SPATA6: variants seen among roughly 807,000 people sequenced by gnomAD.
The protein encoded by SPATA6 is spermatogenesis associated 6, also known as spermatogenesis-associated protein 6.
In SPATA6, 56 loss-of-function variants were observed where a neutral mutation model predicts 65.3. That is an observed-to-expected ratio of 0.86 (90% CI 0.69 to 1.07). SPATA6 has a LOEUF of 1.07. Among genes scored for constraint, SPATA6 ranks in the 50% least tolerant of loss-of-function variants. The pLI is 0.00. For missense variants in SPATA6, 590 were observed against 594.8 expected, an observed-to-expected ratio of 0.99 and a Z score of 0.08; for synonymous variants, 199 against 213.2, an observed-to-expected ratio of 0.93 and a Z score of 0.58.
intron 9 of SPATA6, among the ~76,000 whole-genome samples, chr1:48,372,295 A>G (rs1647367374): frequency 6.6e-6 from 1 of 152,148 alleles, no homozygotes; most frequent in Non-Finnish European, 1.5e-5. Context: ...GTTCTAAATG[A>G]GAGAAACTGG....
chr1:48,289,269 C>A, the SPATA6 span, among the ~76,000 whole-genome samples: 1 of 152,206 alleles, frequency 6.6e-6, no homozygotes, highest in Non-Finnish European at 1.5e-5. Flanking sequence ...TCCAACAGAC[C>A]TGCAGCTGAG....
intron 3 of SPATA6, among the ~76,000 whole-genome samples, chr1:48,422,095 GA>G (rs1244465928): frequency 6.6e-6 from 1 of 152,270 alleles, no homozygotes; most frequent in East Asian, 1.9e-4. Flanking sequence ...ATAATGGGGG[GA>G]AAGGAGGATG....
At chr1:48,311,846 T>C (rs186321193) in intron 11 of SPATA6, among the ~76,000 whole-genome samples, 11 of 152,296 alleles carry the variant, frequency 7.2e-5, no homozygotes, top group African/African-American at 2.4e-4. Context: ...AGATGGTACC[T>C]GGAAATTCGG....
intron 8 of SPATA6, among the ~76,000 whole-genome samples, 170 bp from the exon 9 acceptor site, chr1:48,385,519 T>C (rs1233631906): frequency 3.9e-5 from 6 of 152,190 alleles, no homozygotes. Flanking sequence ...TTAAAATTTG[T>C]ATTAGTTCTT....
chr1:48,338,300 G>A (rs982288277), intron 11 of SPATA6, among the ~76,000 whole-genome samples: 6 of 151,936 alleles, frequency 3.9e-5, no homozygotes, highest in Non-Finnish European at 8.8e-5. Flanking sequence ...GTACAAGGGT[G>A]GAGTGACAAA....
intron 9 of SPATA6, among the ~76,000 whole-genome samples, chr1:48,361,537 C>T (rs1646813062): frequency 6.6e-6 from 1 of 152,092 alleles, no homozygotes; most frequent in Non-Finnish European, 1.5e-5. Flanking sequence ...GAGTCCCAGT[C>T]ATGTCCTAAG....
chr1:48,434,586 G>C (rs1052891025), intron 3 of SPATA6, among the ~76,000 whole-genome samples: 4 of 152,148 alleles, frequency 2.6e-5, no homozygotes, highest in Non-Finnish European at 5.9e-5. Flanking sequence ...AATCTGAGGA[G>C]TGACTGGAAA....
chr1:48,268,758 G>T, the SPATA6 span, among the ~76,000 whole-genome samples: 1 of 152,112 alleles, frequency 6.6e-6, no homozygotes, highest in Admixed American at 6.5e-5. Context: ...AGGTATAAAA[G>T]GTTAATAGAA....
At chr1:48,334,836 G>A (rs1646016595) in intron 11 of SPATA6, among the ~76,000 whole-genome samples, 1 of 152,036 alleles carries the variant, frequency 6.6e-6, no homozygotes, top group East Asian at 1.9e-4. Context: ...AAAAGAAGTA[G>A]TAAAACTATC....
chr1:48,270,253 C>G, the SPATA6 span, among the ~76,000 whole-genome samples: 1 of 152,132 alleles, frequency 6.6e-6, no homozygotes, highest in South Asian at 2.1e-4. Context: ...CTTTCATACA[C>G]TTCCGCCAAT....
intron 11 of SPATA6, among the ~76,000 whole-genome samples, chr1:48,320,581 G>A (rs1275801736): frequency 2.0e-5 from 3 of 152,192 alleles, no homozygotes; most frequent in African/African-American, 7.2e-5. Flanking sequence ...GAGGGACTTC[G>A]TCAACAGCAG....
the SPATA6 span, among the ~76,000 whole-genome samples, chr1:48,287,984 T>C: frequency 6.6e-6 from 1 of 152,232 alleles, no homozygotes; most frequent in Non-Finnish European, 1.5e-5. Flanking sequence ...TTCCTGTATA[T>C]CTATTTTGTT....
chr1:48,293,528 T>C (rs781216752), downstream of SPATA6, among the ~76,000 whole-genome samples: 3 of 152,178 alleles, frequency 2.0e-5, no homozygotes, highest in Non-Finnish European at 4.4e-5. Flanking sequence ...TACCATCTTG[T>C]TGGTAATACT....
At chr1:48,460,430 A>G (rs1657339930) in intron 1 of SPATA6, among the ~76,000 whole-genome samples, 1 of 152,216 alleles carries the variant, frequency 6.6e-6, no homozygotes, top group African/African-American at 2.4e-5. Context: ...AAGAATATCT[A>G]TGCAAAAGCC....
At chr1:48,365,990 CT>C (rs1646995581) in intron 9 of SPATA6, among the ~76,000 whole-genome samples, 1 of 152,072 alleles carries the variant, frequency 6.6e-6, no homozygotes, top group Non-Finnish European at 1.5e-5. Flanking sequence ...TCTATTGAGA[CT>C]TTTTAGCATG....
At chr1:48,323,859 A>G (rs182106061) in intron 11 of SPATA6, among the ~76,000 whole-genome samples, 23 of 152,360 alleles carry the variant, frequency 1.5e-4, no homozygotes, top group Middle Eastern at 6.8e-3. Flanking sequence ...ACTGTAATAA[A>G]AAGTCTCCTA....
chr1:48,364,386 C>T (rs1646925882), intron 9 of SPATA6, among the ~76,000 whole-genome samples: 1 of 152,330 alleles, frequency 6.6e-6, no homozygotes, highest in Non-Finnish European at 1.5e-5. Context: ...CACTGACTTC[C>T]ACAATGGTTG....
At chr1:48,368,587 C>T (rs557832779) in intron 9 of SPATA6, among the ~76,000 whole-genome samples, 7 of 152,298 alleles carry the variant, frequency 4.6e-5, no homozygotes, top group East Asian at 1.9e-4. Context: ...TTGATCACAT[C>T]GGCTCCTGAG....
At chr1:48,419,430 T>C (rs1377523224) in intron 3 of SPATA6, among the ~76,000 whole-genome samples, 2 of 152,174 alleles carry the variant, frequency 1.3e-5, no homozygotes, top group African/African-American at 4.8e-5. Flanking sequence ...AGACAGGAAA[T>C]ATTTCTTTTT....
Sources: gnomAD v4.1 joint callset for allele counts (sites outside exome capture counted in the v4.1 genomes callset) on GRCh38, gnomAD v4.1.1 for gene constraint, MANE v1.5 for transcripts, NCBI Gene and HGNC (gene_info 2026-07-23, HGNC 2026-07-21) for gene names.